The following NRXN3 variants were observed in gnomAD, a reference collection of about 807,000 sequenced individuals.
NRXN3 encodes the protein neurexin 3.
In NRXN3, 32 loss-of-function variants were observed where a neutral mutation model predicts 137.6. The ratio of observed to expected loss-of-function variants is 0.23; its 90% CI spans 0.18 to 0.31. The LOEUF is 0.31. NRXN3 is among the 10% of genes least tolerant of loss of function. NRXN3 has a pLI of 1.00. For synonymous variants in NRXN3, 798 were observed against 784.5 expected, an observed-to-expected ratio of 1.02 and a Z score of -0.29; for missense variants, 1,574 against 2,062.5, an observed-to-expected ratio of 0.76 and a Z score of 4.59.
At chr14:78,816,797 C>T (rs192528634) in intron 10 of NRXN3, among the ~76,000 whole-genome samples, 56 of 152,274 alleles carry the variant, frequency 3.7e-4, no homozygotes, top group African/African-American at 1.3e-3. Context: ...TGCTTCTCCT[C>T]ACTCTTGTAA....
At chr14:78,764,075 C>T (rs527854791) in intron 8 of NRXN3, among the ~76,000 whole-genome samples, 2 of 152,192 alleles carry the variant, frequency 1.3e-5, no homozygotes, top group African/African-American at 4.8e-5. Flanking sequence ...AGTAACTTAC[C>T]CAAGATCACA....
intron 15 of NRXN3, among the ~76,000 whole-genome samples, chr14:79,050,628 T>C (rs2099640499): frequency 6.6e-6 from 1 of 152,212 alleles, no homozygotes; most frequent in East Asian, 1.9e-4. Context: ...CATGCATTCG[T>C]TCTTAGAATT....
chr14:79,607,601 A>G (rs1031593882), intron 16 of NRXN3, among the ~76,000 whole-genome samples: 1 of 152,182 alleles, frequency 6.6e-6, no homozygotes, highest in African/African-American at 2.4e-5. Context: ...TAATTAAAGC[A>G]GAGGGAATAA....
At chr14:79,636,041 G>A (rs2098401145) in intron 16 of NRXN3, among the ~76,000 whole-genome samples, 1 of 151,928 alleles carries the variant, frequency 6.6e-6, no homozygotes, top group African/African-American at 2.4e-5. Context: ...ATGAGATTTG[G>A]GTAGGGACAA....
chr14:79,847,382 G>C (rs1314841902), intron 20 of NRXN3, among the ~76,000 whole-genome samples: 1 of 152,084 alleles, frequency 6.6e-6, no homozygotes, highest in East Asian at 1.9e-4. Flanking sequence ...CTCTGAAAAG[G>C]TCTTATTTTG....
chr14:78,559,061 G>A (rs557676699), intron 4 of NRXN3, among the ~76,000 whole-genome samples: 3 of 152,310 alleles, frequency 2.0e-5, no homozygotes, highest in African/African-American at 7.2e-5. Flanking sequence ...TTGAATACAA[G>A]TCTTTCCATT....
chr14:78,710,495 G>C (rs2098397585), intron 7 of NRXN3, among the ~76,000 whole-genome samples: 1 of 152,162 alleles, frequency 6.6e-6, no homozygotes, highest in Non-Finnish European at 1.5e-5. Flanking sequence ...TTTCCCAAGA[G>C]CAGTAATTAG....
At chr14:78,937,227 G>GA (rs1396045289) in intron 10 of NRXN3, among the ~76,000 whole-genome samples, 1 of 147,058 alleles carries the variant, frequency 6.8e-6, no homozygotes, top group African/African-American at 2.5e-5. Flanking sequence ...AAAAGAAAAA[G>GA]AAAAAAATTT....
intron 10 of NRXN3, among the ~76,000 whole-genome samples, chr14:78,956,600 A>G (rs548179234): frequency 6.6e-6 from 1 of 152,320 alleles, no homozygotes; most frequent in East Asian, 1.9e-4. Context: ...TTGGAGGATG[A>G]TGAACAATGG....
chr14:79,407,053 G>A (rs2049995332), intron 15 of NRXN3, among the ~76,000 whole-genome samples: 1 of 152,136 alleles, frequency 6.6e-6, no homozygotes, highest in African/African-American at 2.4e-5. Context: ...TATCACAGCT[G>A]TCTCCCTGCT....
intron 19 of NRXN3, among the ~76,000 whole-genome samples, chr14:79,709,150 T>G (rs548141762): frequency 6.6e-6 from 1 of 152,290 alleles, no homozygotes; most frequent in East Asian, 1.9e-4. Flanking sequence ...CGTGCACTTC[T>G]AACAAGCTCC....
chr14:79,588,121 T>A (rs17109524), intron 16 of NRXN3, among the ~76,000 whole-genome samples: 19,535 of 152,182 alleles, frequency 0.13, 1,418 homozygotes, highest in South Asian at 0.23. Flanking sequence ...TTTTGCCAAT[T>A]CTATTATAGA....
chr14:78,898,298 T>A (rs2099184435), intron 10 of NRXN3, among the ~76,000 whole-genome samples: 1 of 151,994 alleles, frequency 6.6e-6, no homozygotes, highest in Non-Finnish European at 1.5e-5. Context: ...TTGGGTGTTT[T>A]AATATCTAGC....
chr14:79,450,171 G>T (rs2096142992), intron 15 of NRXN3, among the ~76,000 whole-genome samples: 1 of 151,840 alleles, frequency 6.6e-6, no homozygotes, highest in Non-Finnish European at 1.5e-5. Flanking sequence ...ATCCTTAAGT[G>T]ACAGAGTGCA....
chr14:79,442,990 A>C (rs1457031971), intron 15 of NRXN3, among the ~76,000 whole-genome samples: 1 of 152,222 alleles, frequency 6.6e-6, no homozygotes, highest in Non-Finnish European at 1.5e-5. Context: ...AGCATCTGTG[A>C]CTTGCTAGGA....
intron 15 of NRXN3, among the ~76,000 whole-genome samples, chr14:79,178,414 A>G (rs1204332567): frequency 6.6e-6 from 1 of 152,146 alleles, no homozygotes; most frequent in Non-Finnish European, 1.5e-5. Context: ...TTGAAACTCT[A>G]TTATATTCAC....
At chr14:78,214,198 G>A (rs1417500386) in intron 1 of NRXN3, among the ~76,000 whole-genome samples, 6 of 152,154 alleles carry the variant, frequency 3.9e-5, no homozygotes, top group African/African-American at 1.4e-4. Flanking sequence ...AGCCCCACTG[G>A]CCTTTCAGTC....
At chr14:78,630,205 C>A (rs924291248) in intron 4 of NRXN3, among the ~76,000 whole-genome samples, 1 of 152,190 alleles carries the variant, frequency 6.6e-6, no homozygotes, top group African/African-American at 2.4e-5. Context: ...CATGTTTAGA[C>A]TAACATCTGA....
chr14:79,325,799 T>C (rs1405955836), intron 15 of NRXN3, among the ~76,000 whole-genome samples: 3 of 152,208 alleles, frequency 2.0e-5, no homozygotes, highest in Non-Finnish European at 4.4e-5. Flanking sequence ...GTATATATGC[T>C]GTAGTTCACT....
Sources: allele counts gnomAD v4.1 joint callset (sites outside exome capture counted in the v4.1 genomes callset), GRCh38; gene constraint gnomAD v4.1.1; transcripts MANE v1.5; gene names NCBI Gene and HGNC (gene_info 2026-07-23, HGNC 2026-07-21).